The following ACOXL variants were observed in gnomAD, a reference collection of about 807,000 sequenced individuals.
ACOXL encodes the protein acyl-coenzyme A oxidase-like protein.
ACOXL carries 70 observed loss-of-function variants against 71.9 expected under a neutral mutation model. The observed-to-expected ratio is 0.97, with a 90% confidence interval of 0.80 to 1.19. The LOEUF (loss-of-function observed/expected upper bound fraction) is 1.19, where lower values mean the gene tolerates loss of function less well. ACOXL is among the 50% of genes most tolerant of loss of function. ACOXL has a pLI of 0.00. For missense variants in ACOXL, 703 were observed against 736.3 expected (o/e 0.95, Z 0.52); for synonymous variants, 253 against 281.6 (o/e 0.90, Z 1.02).
At chr2:111,053,546 C>T (rs2066398807) in intron 16 of ACOXL, among the ~76,000 whole-genome samples, 1 of 152,210 alleles carries the variant, frequency 6.6e-6, no homozygotes. Flanking sequence ...GCCTCTTTCT[C>T]AGTGCTTGGT....
At chr2:110,805,507 C>A (rs1254639739) in intron 9 of ACOXL, 112 bp downstream of exon 9, 5 of 1,448,154 alleles carry the variant, frequency 3.5e-6, no homozygotes, top group African/African-American at 2.8e-5. Context: ...TATAATATGG[C>A]CAGGGTTCCC....
At chr2:110,833,261 G>T (rs1434914374) in intron 9 of ACOXL, among the ~76,000 whole-genome samples, 1 of 152,154 alleles carries the variant, frequency 6.6e-6, no homozygotes, top group Non-Finnish European at 1.5e-5. Flanking sequence ...ATAAACTATT[G>T]ATACACACTG....
At chr2:110,802,572 G>GA (rs78028136) in intron 8 of ACOXL, among the ~76,000 whole-genome samples, 4,337 of 152,004 alleles carry the variant, frequency 0.029, 101 homozygotes, top group East Asian at 0.055. Flanking sequence ...AATTATATGG[G>GA]AAAAAACCTT....
intron 10 of ACOXL, among the ~76,000 whole-genome samples, chr2:110,843,997 G>A (rs960194289): frequency 5.3e-5 from 8 of 152,220 alleles, no homozygotes; most frequent in South Asian, 2.1e-4. Context: ...ACCAGGGAGC[G>A]AGTGGTAGCC....
intron 11 of ACOXL, among the ~76,000 whole-genome samples, chr2:110,915,134 C>T (rs1033429031): frequency 6.6e-6 from 1 of 151,528 alleles, no homozygotes; most frequent in Non-Finnish European, 1.5e-5. Flanking sequence ...TGTTGATGCC[C>T]TTTATTAGAC....
intron 16 of ACOXL, among the ~76,000 whole-genome samples, chr2:111,052,162 A>T (rs1430842306): frequency 6.6e-6 from 1 of 152,216 alleles, no homozygotes; most frequent in Non-Finnish European, 1.5e-5. Flanking sequence ...AGCAGGAGGG[A>T]CAGGAAAACA....
At position 110,880,157 on chromosome 2, in the gene ACOXL, A is replaced by C. The variant is rs866491450; in HGVS notation, c.789-28632A>C. 5.7e-3 allele frequency among the ~76,000 whole-genome samples: 440 copies of C among 77,160 alleles called. 3 individuals carry two copies. Among genetic ancestry groups the C allele is most frequent in the African/African-American group, 0.01 (293 of 28,150 alleles). 50.6% of individuals were successfully genotyped at this position (77,160 alleles called of 152,430 possible). ...AGAGTGAGACTCTGTCACAAACAAAAAAAAAAAAAAAAAAAGAAAAGAAAA... is the reference window on the plus strand; with the variant it reads ...AGAGTGAGACTCTGTCACAAACAAACAAAAAAAAAAAAAAAGAAAAGAAAA... On this transcript the variant is annotated intron_variant, in intron 10 of 17. Coordinates refer to ENST00000439055, the MANE Select transcript of ACOXL (RefSeq NM_001142807.4).
intron 10 of ACOXL, among the ~76,000 whole-genome samples, chr2:110,888,690 T>C (rs554794554): frequency 2.6e-5 from 4 of 152,244 alleles, no homozygotes; most frequent in South Asian, 2.1e-4. Context: ...TAAATCCTTC[T>C]ACTTTCCCAT....
chr2:110,990,021 CAA>C (rs2063108692), intron 13 of ACOXL, among the ~76,000 whole-genome samples: 1 of 152,174 alleles, frequency 6.6e-6, no homozygotes, highest in Non-Finnish European at 1.5e-5. Flanking sequence ...GGCTGGGCAA[CAA>C]GAGTGAAACT....
At chr2:110,984,481 C>A (rs1261220103) in intron 12 of ACOXL, among the ~76,000 whole-genome samples, 1 of 152,068 alleles carries the variant, frequency 6.6e-6, no homozygotes, top group Non-Finnish European at 1.5e-5. Context: ...AATCTTTCAC[C>A]AAAGGGGCAT....
chr2:110,834,927 G>T (rs1690268223), intron 9 of ACOXL, among the ~76,000 whole-genome samples: 1 of 152,220 alleles, frequency 6.6e-6, no homozygotes, highest in South Asian at 2.1e-4. Flanking sequence ...TTCAAGCAGG[G>T]TTGTAACTTT....
intron 11 of ACOXL, among the ~76,000 whole-genome samples, chr2:110,925,646 A>G (rs931579931): frequency 2.6e-5 from 4 of 152,168 alleles, no homozygotes; most frequent in African/African-American, 9.7e-5. Flanking sequence ...TTGATCTTCC[A>G]TCCAGACCAC....
At chr2:111,096,759 T>C (rs1347014280) in intron 17 of ACOXL, among the ~76,000 whole-genome samples, 1 of 152,212 alleles carries the variant, frequency 6.6e-6, no homozygotes, top group African/African-American at 2.4e-5. Context: ...ATGTGTAAGA[T>C]GTACATGAAG....
At chr2:111,102,485 C>G (rs2069232333) in intron 17 of ACOXL, among the ~76,000 whole-genome samples, 1 of 152,192 alleles carries the variant, frequency 6.6e-6, no homozygotes, top group African/African-American at 2.4e-5. Context: ...CTGAGTTTCT[C>G]TGGCAGCTGC....
chr2:111,027,199 C>T (rs1225708534), intron 14 of ACOXL, among the ~76,000 whole-genome samples: 1 of 150,560 alleles, frequency 6.6e-6, no homozygotes, highest in Non-Finnish European at 1.5e-5. Flanking sequence ...CCTGGGCCAT[C>T]TTTGTTTTAA....
intron 16 of ACOXL, among the ~76,000 whole-genome samples, chr2:111,052,699 T>C (rs996145642): frequency 2.6e-5 from 4 of 152,182 alleles, no homozygotes; most frequent in Non-Finnish European, 5.9e-5. Context: ...TAGTCCTATT[T>C]GCCAATTAAT....
chr2:110,970,151 T>C (rs1245728470), intron 12 of ACOXL, among the ~76,000 whole-genome samples: 1 of 152,154 alleles, frequency 6.6e-6, no homozygotes, highest in Non-Finnish European at 1.5e-5. Context: ...CTAGTATTAC[T>C]CTGATACTAA....
chr2:111,009,511 C>T (rs895496385), intron 14 of ACOXL, among the ~76,000 whole-genome samples: 1 of 103,220 alleles, frequency 9.7e-6, no homozygotes, highest in Non-Finnish European at 1.9e-5. Context: ...AAGACTCCGT[C>T]TCAAAAAAAA....
intron 10 of ACOXL, among the ~76,000 whole-genome samples, chr2:110,897,852 A>G (rs1394198231): frequency 6.6e-6 from 1 of 152,198 alleles, no homozygotes; most frequent in Admixed American, 6.5e-5. Context: ...TTTGACAGTG[A>G]GACTGTCAAA....
Sources: allele counts gnomAD v4.1 joint callset (sites outside exome capture counted in the v4.1 genomes callset), GRCh38; gene constraint gnomAD v4.1.1; transcripts MANE v1.5; gene names NCBI Gene and HGNC (gene_info 2026-07-23, HGNC 2026-07-21).